Variants in HFM1 observed in about 807,000 individuals in gnomAD.
The protein encoded by HFM1 is probable ATP-dependent DNA helicase HFM1.
In HFM1, 169 loss-of-function variants were observed where a neutral mutation model predicts 192.1. The observed-to-expected ratio is 0.88, with a 90% CI of 0.78 to 1.00. HFM1 has a LOEUF of 1.00. Among genes scored for constraint, HFM1 ranks in the 50% least tolerant of loss-of-function variants. The pLI, the probability that HFM1 is intolerant of heterozygous loss-of-function variation, is 0.00. For synonymous variants in HFM1, 525 were observed against 537.8 expected, an observed-to-expected ratio of 0.98 and a Z score of 0.33; for missense variants, 1,661 against 1,668.0, an observed-to-expected ratio of 1.00 and a Z score of 0.07.
In HFM1 at chr1:91,261,031, C is replaced by T. The variant is rs909359973; in HGVS notation, c.*259G>A. On this transcript the variant is annotated 3_prime_UTR_variant, in exon 39 of 39. Transcript: ENST00000370425. ...GCCAAATAATTATTTCTAAGTGCAA[C>T]TTATTTCTAAGTGCAATCAGCCCTT... is the stretch of plus-strand genomic sequence containing the variant. 2 of 251,204 alleles carry T rather than the reference C, an allele frequency of 8.0e-6. No individual in the cohort carries two copies. Among genetic ancestry groups the T allele is most frequent in the Non-Finnish European group, 7.8e-6 (1 of 128,790 alleles). 15.6% of individuals were successfully genotyped at this position (251,204 alleles called of 1,614,324 possible). A position where few individuals can be genotyped will look rare whatever the true frequency, so the allele number is the denominator to read the frequency against.
chr1:91,402,700 T>C (rs1051983676), intron 1 of HFM1, among the ~76,000 whole-genome samples: 17 of 152,240 alleles, frequency 1.1e-4, no homozygotes, highest in African/African-American at 4.1e-4. Flanking sequence ...AATAAAATGT[T>C]CCCTTTCTAG....
chr1:91,329,565 C>A, intron 20 of HFM1: 1 of 1,294,118 alleles, frequency 7.7e-7, no homozygotes. Flanking sequence ...TATTTGCCCT[C>A]TTGTACCCTT....
intron 4 of HFM1, among the ~76,000 whole-genome samples, chr1:91,391,952 T>C (rs1396566303): frequency 6.6e-6 from 1 of 152,186 alleles, no homozygotes; most frequent in Non-Finnish European, 1.5e-5. Context: ...GAACAGACGA[T>C]TCTCAAAAGA....
Position 91,262,645 on chromosome 1 carries a change from T to A in HFM1, c.3975-53A>T, listed in dbSNP as rs555432. 3.8e-6 allele frequency: 4 copies of A among 1,057,308 alleles called. No individual in the cohort carries two copies. The African/African-American group carries it at 4.8e-5, about 13-fold the overall frequency. 65.5% of individuals were successfully genotyped at this position (1,057,308 alleles called of 1,614,324 possible). On this transcript the variant is annotated intron_variant, in intron 36 of 38. Transcript: ENST00000370425. Reference sequence around the variant, plus strand: ...AATACGGCAAACAAGAAAAACCATTTTAATTTGGATCATAATGATTTTTGG... The same window carrying A: ...AATACGGCAAACAAGAAAAACCATTATAATTTGGATCATAATGATTTTTGG...
intron 30 of HFM1, among the ~76,000 whole-genome samples, chr1:91,309,652 A>G (rs966088421): frequency 7.0e-4 from 107 of 152,166 alleles, no homozygotes; most frequent in East Asian, 5.8e-4. Context: ...TTGTGTGTGT[A>G]ATGTATATAA....
intron 30 of HFM1, among the ~76,000 whole-genome samples, chr1:91,303,911 T>A (rs866391407): frequency 3.0e-4 from 45 of 152,210 alleles, no homozygotes; most frequent in African/African-American, 1.1e-3. Context: ...AGTGGCATGA[T>A]CTTGGCTCAC....
chr1:91,325,200 T>C (rs1261269311), intron 20 of HFM1, among the ~76,000 whole-genome samples: 1 of 152,146 alleles, frequency 6.6e-6, no homozygotes, highest in Non-Finnish European at 1.5e-5. Flanking sequence ...TGAACATCAG[T>C]GATGACTTGG....
rs1648012494 is a variant in HFM1 at position 91,298,229 on chromosome 1, G to C, written c.3391+15120C>G. ...TTCATGAAATGAAGCGAGAAGAGAAGTTTAGAGAAAAAAGAATAAAAAGAA... is the reference window on the plus strand; with the variant it reads ...TTCATGAAATGAAGCGAGAAGAGAACTTTAGAGAAAAAAGAATAAAAAGAA... On this transcript the variant is annotated intron_variant, in intron 30 of 38. Transcript: ENST00000370425. Among the ~76,000 whole-genome samples the C allele has an allele frequency of 2.6e-5, 4 of 152,254 alleles. No individual in the cohort carries two copies. In the South Asian group the frequency reaches 8.3e-4, roughly 32 times the overall value.
chr1:91,322,899 A>C (rs1170498948), intron 23 of HFM1, 51 bp downstream of exon 23: 1 of 839,402 alleles, frequency 1.2e-6, no homozygotes, highest in Non-Finnish European at 1.8e-6. Flanking sequence ...CAAATTAAAA[A>C]TGTTTTAAAA....
intron 13 of HFM1, among the ~76,000 whole-genome samples, chr1:91,357,092 C>T (rs1184500126): frequency 1.3e-5 from 2 of 152,130 alleles, no homozygotes; most frequent in South Asian, 2.1e-4. Flanking sequence ...GGAATACTTC[C>T]AAACATATTT....
intron 6 of HFM1, among the ~76,000 whole-genome samples, chr1:91,383,283 T>A (rs1479618023): frequency 6.6e-6 from 1 of 152,172 alleles, no homozygotes; most frequent in African/African-American, 2.4e-5. Context: ...CAGTAAGGGA[T>A]AAGAAGAATC....
At chr1:91,296,261 A>G (rs1647553871) in intron 30 of HFM1, among the ~76,000 whole-genome samples, 1 of 152,172 alleles carries the variant, frequency 6.6e-6, no homozygotes, top group Non-Finnish European at 1.5e-5. Context: ...TTGATCTAGC[A>G]GCATTTATTG....
chr1:91,277,310 C>G lies in HFM1; in HGVS notation c.3392-248G>C, dbSNP rs1018942429. ...ATAATTAGTATTACAGCCTCAATCT[C>G]CTGGGCTCAAGAGATCCTCCTGTTT... is the stretch of plus-strand genomic sequence containing the variant. On this transcript the variant is annotated intron_variant, in intron 30 of 38. Transcript: ENST00000370425. 4.0e-5 allele frequency among the ~76,000 whole-genome samples: 6 copies of G among 151,200 alleles called. No individual in the cohort carries two copies. In the East Asian group the frequency reaches 1.2e-3, roughly 29 times the overall value.
chr1:91,314,446 T>C (rs906561846), intron 28 of HFM1, among the ~76,000 whole-genome samples: 3 of 152,070 alleles, frequency 2.0e-5, no homozygotes, highest in Non-Finnish European at 2.9e-5. Context: ...TTTGTAGAAA[T>C]AGGGTCTCAC....
chr1:91,302,853 C>A (rs1321605373), intron 30 of HFM1, among the ~76,000 whole-genome samples: 1 of 151,912 alleles, frequency 6.6e-6, no homozygotes, highest in African/African-American at 2.4e-5. Flanking sequence ...TTAATGGGTG[C>A]AGCACACCAA....
At chr1:91,351,065 C>T (rs916590417) in intron 17 of HFM1, among the ~76,000 whole-genome samples, 194 bp from the exon 18 acceptor site, 2 of 152,004 alleles carry the variant, frequency 1.3e-5, no homozygotes, top group African/African-American at 4.8e-5. Context: ...CCTCTCTACT[C>T]TATGGCTGTA....
rs948388736 is a variant in HFM1, at chr1:91,348,061, G to T, written c.2207-585C>A. Among the ~76,000 whole-genome samples, 8 of 152,120 alleles carry T rather than the reference G, an allele frequency of 5.3e-5. 1 individual carries two copies. Among genetic ancestry groups the T allele is most frequent in the African/African-American group, 1.9e-4 (8 of 41,426 alleles). On this transcript the variant is annotated intron_variant, in intron 18 of 38. Coordinates refer to ENST00000370425, the MANE Select transcript of HFM1 (RefSeq NM_001017975.6). The stretch of plus-strand genomic sequence containing the variant: ...CTGGGGGCAAATACTGACAGAAAAG[G>T]AGCATGAGGGAACATCTAGAAAATG...
At chr1:91,400,583 G>A (rs911043686) in intron 2 of HFM1, among the ~76,000 whole-genome samples, 17 of 151,886 alleles carry the variant, frequency 1.1e-4, no homozygotes, top group African/African-American at 4.1e-4. Flanking sequence ...CGGGCTTCAA[G>A]CAATTCTCAT....
At chr1:91,277,807 A>AAT (rs1226935208) in intron 30 of HFM1, among the ~76,000 whole-genome samples, 2 of 123,020 alleles carry the variant, frequency 1.6e-5, no homozygotes, top group African/African-American at 6.5e-5. Context: ...AATATATACT[A>AAT]ATATATAATA....
Sources: gnomAD v4.1 joint callset for allele counts (sites outside exome capture counted in the v4.1 genomes callset) on GRCh38, gnomAD v4.1.1 for gene constraint, MANE v1.5 for transcripts, NCBI Gene and HGNC (gene_info 2026-07-23, HGNC 2026-07-21) for gene names.